The following ROR2 variants were observed in gnomAD, a reference collection of about 807,000 sequenced individuals.
ROR2 encodes the protein tyrosine-protein kinase transmembrane receptor ROR2.
A neutral mutation model predicts 74.9 loss-of-function variants in ROR2; 33 were observed. That is an observed-to-expected ratio of 0.44 (90% CI 0.33 to 0.59). The LOEUF (loss-of-function observed/expected upper bound fraction) is 0.59. ROR2 is among the 20% of genes least tolerant of loss of function. The pLI, the probability that ROR2 is intolerant of heterozygous loss-of-function variation, is 0.02. For synonymous variants in ROR2, 586 were observed against 558.7 expected (o/e 1.05, Z -0.69); for missense variants, 1,216 against 1,313.8 (o/e 0.93, Z 1.15).
At chr9:91,752,267 CA>C (rs1486409405) in intron 4 of ROR2, among the ~76,000 whole-genome samples, 3 of 152,206 alleles carry the variant, frequency 2.0e-5, no homozygotes, top group Admixed American at 2.0e-4. Context: ...TGCATGTCCA[CA>C]AAAAGTATAG....
At position 91,723,034 on chromosome 9, in the gene ROR2, G is replaced by A. The variant is rs1836852396; in HGVS notation, c.*628C>T. The A allele has an allele frequency of 6.1e-6, 1 of 164,020 alleles. No individual in the cohort carries two copies. The highest frequency in any genetic ancestry group is 1.3e-5 in the Non-Finnish European group (1 of 75,034). 10.2% of individuals were successfully genotyped at this position (164,020 alleles called of 1,614,324 possible). A position where few individuals can be genotyped will look rare whatever the true frequency, so the allele number is the denominator to read the frequency against. ...AAACCATTTCACCAAATACAAAGCT[G>A]TCAGTTTCTTTGAAGGCACACATTT... On this transcript the variant is annotated 3_prime_UTR_variant, in exon 9 of 9. Transcript: ENST00000375708.
Position 91,724,846 on chromosome 9 carries a change from T to A in ROR2, c.1648A>T (p.Ser550Cys). 1 of 1,603,550 alleles carries A rather than the reference T, an allele frequency of 6.2e-7. No individual in the cohort carries two copies. The highest frequency in any genetic ancestry group is 1.1e-5 in the South Asian group (1 of 89,504). ...LGVVTKDQPL[S>C]MIFSYCSHGD... Reference sequence around the variant, plus strand: ...TGCGAACAGTAGCTGAAGATCATGCTCAGGGGCTGGTCCTTGGTCACCACG... The same window carrying A: ...TGCGAACAGTAGCTGAAGATCATGCACAGGGGCTGGTCCTTGGTCACCACG... The change falls in exon 9 of 9, where the codon AGC becomes TGC. Residue 550 changes from serine to cysteine, a missense_variant. Coordinates refer to ENST00000375708, the MANE Select transcript of ROR2 (RefSeq NM_004560.4).
At chr9:91,748,963 C>T (rs1355014080) in intron 4 of ROR2, among the ~76,000 whole-genome samples, 2 of 152,106 alleles carry the variant, frequency 1.3e-5, no homozygotes, top group African/African-American at 4.8e-5. Context: ...GAGGCGGAGG[C>T]TGCAGTGAGC....
chr9:91,915,469 C>T (rs936189198), intron 1 of ROR2, among the ~76,000 whole-genome samples: 1 of 152,098 alleles, frequency 6.6e-6, no homozygotes, highest in South Asian at 2.1e-4. Flanking sequence ...GTTTTTCTTC[C>T]GGTGGGTTCG....
intron 1 of ROR2, among the ~76,000 whole-genome samples, chr9:91,906,626 G>T (rs1830825393): frequency 6.6e-6 from 1 of 152,150 alleles, no homozygotes; most frequent in South Asian, 2.1e-4. Flanking sequence ...TTTCGTTGTT[G>T]TTATTTTCTT....
intron 1 of ROR2, among the ~76,000 whole-genome samples, chr9:91,813,180 AAT>A (rs1827816604): frequency 6.6e-6 from 1 of 152,186 alleles, no homozygotes; most frequent in Non-Finnish European, 1.5e-5. Flanking sequence ...CAGCAAAGGA[AAT>A]ATAACAAAGA....
chr9:91,793,761 CAAA>C (rs58120050), intron 1 of ROR2, among the ~76,000 whole-genome samples: 3 of 81,964 alleles, frequency 3.7e-5, no homozygotes, highest in Non-Finnish European at 9.4e-5. Flanking sequence ...GACTCCGTTT[CAAA>C]AAAAAAAAAA....
intron 1 of ROR2, among the ~76,000 whole-genome samples, chr9:91,814,551 G>A (rs1563978182): frequency 6.6e-6 from 1 of 152,142 alleles, no homozygotes; most frequent in Non-Finnish European, 1.5e-5. Context: ...ATCACTATAA[G>A]CGATACCATT....
intron 1 of ROR2, among the ~76,000 whole-genome samples, chr9:91,932,000 G>A (rs998537328): frequency 6.6e-6 from 1 of 152,106 alleles, no homozygotes; most frequent in Non-Finnish European, 1.5e-5. Context: ...AATTAAAAGT[G>A]AGATAAAAAC....
chr9:91,743,523 A>G (rs550607410), intron 4 of ROR2, among the ~76,000 whole-genome samples: 196 of 152,234 alleles, frequency 1.3e-3, no homozygotes, highest in Non-Finnish European at 2.3e-3. Context: ...ATGAGCCAAG[A>G]TCATGCCATT....
At chr9:91,784,540 C>T (rs1826730454) in intron 1 of ROR2, among the ~76,000 whole-genome samples, 1 of 152,222 alleles carries the variant, frequency 6.6e-6, no homozygotes. Flanking sequence ...AGTCAGAACA[C>T]AGTTGGCTTC....
At chr9:91,915,686 T>C (rs1161870448) in intron 1 of ROR2, among the ~76,000 whole-genome samples, 1 of 152,138 alleles carries the variant, frequency 6.6e-6, no homozygotes, top group African/African-American at 2.4e-5. Context: ...TATTCCCTTA[T>C]TTGTCCCCTC....
At chr9:91,831,643 C>T (rs12376231) in intron 1 of ROR2, among the ~76,000 whole-genome samples, 56,655 of 151,742 alleles carry the variant, frequency 0.37, 11,824 homozygotes, top group African/African-American at 0.54. Flanking sequence ...GGCATGGTGG[C>T]GCATGCCTGT....
chr9:91,730,802 G>T, intron 7 of ROR2, 108 bp downstream of exon 7: 1 of 1,439,640 alleles, frequency 6.9e-7, no homozygotes, highest in Admixed American at 1.8e-5. Context: ...GGGGTCTCTG[G>T]TCGCCACCGT....
At chr9:91,808,823 T>G (rs1827653569) in intron 1 of ROR2, among the ~76,000 whole-genome samples, 1 of 150,596 alleles carries the variant, frequency 6.6e-6, no homozygotes, top group Admixed American at 6.6e-5. Flanking sequence ...TTACTAAAAA[T>G]ATAAAAAATA....
intron 1 of ROR2, among the ~76,000 whole-genome samples, chr9:91,792,718 C>T (rs1393168592): frequency 2.0e-5 from 3 of 152,052 alleles, no homozygotes; most frequent in Non-Finnish European, 4.4e-5. Context: ...ATTACGTTGA[C>T]CTTCAGAAAT....
intron 1 of ROR2, among the ~76,000 whole-genome samples, chr9:91,871,597 A>G (rs1485388989): frequency 6.6e-6 from 1 of 152,122 alleles, no homozygotes; most frequent in East Asian, 1.9e-4. Flanking sequence ...TCCCCCAACA[A>G]GAGCTGGAGT....
intron 4 of ROR2, among the ~76,000 whole-genome samples, chr9:91,742,672 A>G (rs149411072): frequency 1.4e-4 from 21 of 152,356 alleles, no homozygotes; most frequent in East Asian, 1.3e-3. Flanking sequence ...CGGAGCTGTC[A>G]TAACACTGTA....
intron 7 of ROR2, 82 bp from the exon 8 acceptor site, chr9:91,726,825 C>T: frequency 7.3e-7 from 1 of 1,371,668 alleles, no homozygotes; most frequent in Non-Finnish European, 1.0e-6. Context: ...CTCTCCACCT[C>T]CAGCCAAAAT....
Sources: allele counts gnomAD v4.1 joint callset (sites outside exome capture counted in the v4.1 genomes callset), GRCh38; gene constraint gnomAD v4.1.1; transcripts MANE v1.5; gene names NCBI Gene and HGNC (gene_info 2026-07-23, HGNC 2026-07-21).